The following GATA6 variants were observed in gnomAD, a reference collection of about 807,000 sequenced individuals.
GATA6 encodes the protein GATA binding protein 6, also known as transcription factor GATA-6.
Under a neutral mutation model 48.1 loss-of-function variants are expected in GATA6, and 11 were observed. That is an observed-to-expected ratio of 0.23 (90% confidence interval 0.14 to 0.38). The LOEUF is 0.38. Among genes scored for constraint, GATA6 ranks in the 10% least tolerant of loss-of-function variants. The probability of loss-of-function intolerance (pLI) is 1.00; values close to 1 mark genes in which losing one functional copy is unlikely to be tolerated. For missense variants in GATA6, 795 were observed against 850.3 expected (o/e 0.93, Z 0.81); for synonymous variants, 419 against 396.1 (o/e 1.06, Z -0.69).
At position 22,170,782 on chromosome 18, in the gene GATA6, C is replaced by T. The variant is rs2033023111; in HGVS notation, c.-37-326C>T. The stretch of plus-strand genomic sequence containing the variant: ...CCTCAGCCAGCTTCTGCAGATCACC[C>T]CTGGGATCTGGCGCGCGCACGGAGA... On this transcript the variant is annotated intron_variant, in intron 1 of 6. Coordinates refer to ENST00000269216, the MANE Select transcript of GATA6 (RefSeq NM_005257.6). The surrounding 1 kb of genome is among the most constrained non-coding windows in gnomAD (Gnocchi z 6.7). Among the ~76,000 whole-genome samples, 1 of 151,964 alleles carries T rather than the reference C, an allele frequency of 6.6e-6. No homozygotes were observed. Among genetic ancestry groups the T allele is most frequent in the Non-Finnish European group, 1.5e-5 (1 of 67,984 alleles).
Position 22,200,605 on chromosome 18 carries a change from T to C in GATA6, c.1621-51T>C, listed in dbSNP as rs200677826. On this transcript the variant is annotated intron_variant, in intron 6 of 6. Coordinates refer to ENST00000269216, the MANE Select transcript of GATA6 (RefSeq NM_005257.6). ...CCCATGTATTTCACTACCAGGATTG[T>C]AACCGCTTCTCACCTTCTCGTCTCT... The C allele has an allele frequency of 1.5e-3, 2,404 of 1,611,480 alleles. 2 individuals carry two copies. The highest frequency in any genetic ancestry group is 2.0e-3 in the Admixed American group (121 of 60,024).
intron 6 of GATA6, among the ~76,000 whole-genome samples, chr18:22,198,899 C>T (rs1345982968): frequency 2.0e-5 from 3 of 152,152 alleles, no homozygotes; most frequent in Non-Finnish European, 2.9e-5. Flanking sequence ...CACCTAAAAC[C>T]CTCAGTTTAA....
At chr18:22,196,212 G>C (rs969408570) in intron 6 of GATA6, among the ~76,000 whole-genome samples, 13 of 152,048 alleles carry the variant, frequency 8.5e-5, no homozygotes, top group African/African-American at 3.1e-4. Flanking sequence ...TTTTCTGACA[G>C]GCTCAGCTAT....
At chr18:22,176,690 G>A (rs770310444) in intron 2 of GATA6, 3 of 411,160 alleles carry the variant, frequency 7.3e-6, no homozygotes, top group Non-Finnish European at 1.3e-5. Context: ...GGACTCTGAC[G>A]TCCTCTGCTT....
intron 4 of GATA6, among the ~76,000 whole-genome samples, chr18:22,182,349 C>CTTTTTTTT (rs34089081): frequency 1.5e-5 from 2 of 134,122 alleles, no homozygotes; most frequent in African/African-American, 2.7e-5. Flanking sequence ...ATGCCAAGTT[C>CTTTTTTTT]TTTTTTTTTT....
intron 6 of GATA6, among the ~76,000 whole-genome samples, chr18:22,186,500 T>A (rs2033263549): frequency 6.6e-6 from 1 of 152,190 alleles, no homozygotes; most frequent in African/African-American, 2.4e-5. Context: ...TCCTGGGACA[T>A]GACAGGAACA....
At chr18:22,175,223 G>T (rs770279687) in intron 2 of GATA6, among the ~76,000 whole-genome samples, 4 of 152,140 alleles carry the variant, frequency 2.6e-5, no homozygotes, top group African/African-American at 9.7e-5. Flanking sequence ...GAATGAGAGA[G>T]ATTTTATTCA....
rs748788731 is a variant in GATA6 at position 22,171,365 on chromosome 18, C to T, written c.221C>T (p.Pro74Leu). Residue 74 changes from proline to leucine, a missense_variant, in exon 2 of 7, where the codon CCG (proline) becomes CTG (leucine). By Grantham distance (98) the Pro-to-Leu change is moderately conservative. Transcript: ENST00000269216. The surrounding 1 kb of genome is among the most constrained non-coding windows in gnomAD (Gnocchi z 7.1). ...GACACGGAGGCGGCGGCCGGACCCCCGGCCCGCTCGCTGCTGCTCAGTTCC... is the reference window on the plus strand; with the variant it reads ...GACACGGAGGCGGCGGCCGGACCCCTGGCCCGCTCGCTGCTGCTCAGTTCC... ...QLDTEAAAGP[P>L]ARSLLLSSYA... 1.5e-5 allele frequency: 23 copies of T among 1,584,226 alleles called. No individual in the cohort carries two copies. Among genetic ancestry groups the T allele is most frequent in the Non-Finnish European group, 1.2e-5 (14 of 1,172,746 alleles).
intron 6 of GATA6, among the ~76,000 whole-genome samples, chr18:22,190,142 G>A (rs768299205): frequency 3.3e-5 from 5 of 152,158 alleles, no homozygotes; most frequent in Admixed American, 6.6e-5. Flanking sequence ...AAACAGGTGG[G>A]AAAACTGTGA....
intron 4 of GATA6, 73 bp from the exon 5 acceptor site, chr18:22,182,684 T>A: frequency 6.5e-6 from 7 of 1,077,554 alleles, no homozygotes; most frequent in Non-Finnish European, 9.8e-6. Flanking sequence ...TGAGAGCTTT[T>A]AGTGCCAATG....
At chr18:22,188,493 A>T (rs1568003325) in intron 6 of GATA6, among the ~76,000 whole-genome samples, 1 of 151,216 alleles carries the variant, frequency 6.6e-6, no homozygotes, top group Non-Finnish European at 1.5e-5. Flanking sequence ...GAAGGGAAAT[A>T]GTTAGTTCAT....
chr18:22,177,118 C>T lies in GATA6; in HGVS notation c.1299C>T (p.Arg433=). 1 of 1,548,146 alleles carries T rather than the reference C, an allele frequency of 6.5e-7. No homozygotes were observed. Among genetic ancestry groups the T allele is most frequent in the Non-Finnish European group, 8.7e-7 (1 of 1,147,452 alleles). Reference sequence around the variant, plus strand: ...GGCCCCTCATCAAGCCGCAGAAGCGCGTGGTGAGTGTGACCCGCCCTGCCC... The same window carrying T: ...GGCCCCTCATCAAGCCGCAGAAGCGTGTGGTGAGTGTGACCCGCCCTGCCC... The part of the protein sequence containing the change: ...LSRPLIKPQK[R]VPSSRRLGLS... The change falls in exon 3 of 7, where the codon CGC becomes CGT. Residue 433 remains arginine (R), a synonymous_variant. Coordinates refer to ENST00000269216, the MANE Select transcript of GATA6 (RefSeq NM_005257.6).
Position 22,171,262 on chromosome 18 carries a change from T to C in GATA6, c.118T>C (p.Ser40Pro). The change falls in exon 2 of 7, where the codon TCT becomes CCT. Residue 40 changes from serine to proline, a missense_variant. Physicochemically the swap from Ser to Pro is moderately conservative, Grantham distance 74. This residue lies in a region of GATA6 where 591 missense variants were observed against 570.0 expected (regional missense o/e 1.04). Transcript: ENST00000269216. This position sits in a 1 kb window ranked among gnomAD's most constrained non-coding sequence, Gnocchi z 7.1. ...GCCCTCCACGCCGCCTTCCCCCATC[T>C]CTTCCTCGTCCTCCTCCTGCTCCCG... ...REPSTPPSPI[S>P]SSSSSCSRGG... 6.3e-7 allele frequency: 1 copy of C among 1,597,744 alleles called. No individual in the cohort carries two copies. The highest frequency in any genetic ancestry group is 8.5e-7 in the Non-Finnish European group (1 of 1,178,552).
intron 6 of GATA6, among the ~76,000 whole-genome samples, chr18:22,187,792 AGGG>A (rs1386966828): frequency 5.9e-5 from 9 of 152,068 alleles, no homozygotes; most frequent in Admixed American, 4.6e-4. Context: ...TTGTAATAGG[AGGG>A]ATTAACTTGG....
At chr18:22,198,946 T>G (rs919834685) in intron 6 of GATA6, among the ~76,000 whole-genome samples, 1 of 152,146 alleles carries the variant, frequency 6.6e-6, no homozygotes, top group East Asian at 1.9e-4. Flanking sequence ...AAAGTTTGGG[T>G]GTGGGGCCAG....
At chr18:22,194,705 C>T (rs2033368921) in intron 6 of GATA6, among the ~76,000 whole-genome samples, 1 of 150,382 alleles carries the variant, frequency 6.6e-6, no homozygotes, top group Non-Finnish European at 1.5e-5. Context: ...GATTTCCCCC[C>T]TCCGCCCCCC....
Position 22,171,292 on chromosome 18 carries a change from G to A in GATA6, c.148G>A (p.Gly50Arg), listed in dbSNP as rs746782842. The change falls in exon 2 of 7, where the codon GGA becomes AGA. Residue 50 changes from glycine (G) to arginine (R), a missense_variant. Around this residue, in one of 5 missense-constraint regions of GATA6, gnomAD observed 591 missense variants for 570.0 expected, o/e 1.04. Coordinates refer to ENST00000269216, the MANE Select transcript of GATA6 (RefSeq NM_005257.6). The surrounding 1 kb of genome is among the most constrained non-coding windows in gnomAD (Gnocchi z 7.1). ...SSSSSSCSRG[G>R]ERGPGGASNC... Reference sequence around the variant, plus strand: ...CTCGTCCTCCTCCTGCTCCCGGGGCGGAGAGCGGGGCCCCGGCGGCGCCAG... The same window carrying A: ...CTCGTCCTCCTCCTGCTCCCGGGGCAGAGAGCGGGGCCCCGGCGGCGCCAG... The A allele has an allele frequency of 9.4e-6, 15 of 1,593,370 alleles. No individual in the cohort carries two copies. The highest frequency in any genetic ancestry group is 1.3e-5 in the Non-Finnish European group (15 of 1,176,036).
intron 3 of GATA6, among the ~76,000 whole-genome samples, chr18:22,180,720 C>T (rs1055756838): frequency 1.3e-5 from 2 of 150,530 alleles, no homozygotes; most frequent in African/African-American, 2.5e-5. Context: ...TTCTGAAAGC[C>T]ATTTCTAATA....
intron 6 of GATA6, among the ~76,000 whole-genome samples, chr18:22,193,045 G>T (rs967403897): frequency 2.0e-5 from 3 of 152,202 alleles, no homozygotes; most frequent in South Asian, 2.1e-4. Flanking sequence ...GGGCGAGAGG[G>T]GTATGGGTTG....
Sources: allele counts gnomAD v4.1 joint callset (sites outside exome capture counted in the v4.1 genomes callset), GRCh38; gene constraint gnomAD v4.1.1; regional missense constraint gnomAD v4.1.1; non-coding constraint Gnocchi (gnomAD v3.1); transcripts MANE v1.5; gene names NCBI Gene and HGNC (gene_info 2026-07-23, HGNC 2026-07-21).